Variants in EDIL3 observed in about 807,000 individuals in gnomAD.
EDIL3 encodes the protein EGF like and discoidin domains 3.
A neutral mutation model predicts 67.4 loss-of-function variants in EDIL3; 37 were observed. The observed-to-expected ratio is 0.55, with a 90% CI of 0.42 to 0.72. The LOEUF is 0.72. EDIL3 is among the 30% of genes least tolerant of loss of function. EDIL3 has a pLI of 0.00. For missense variants in EDIL3, 527 were observed against 586.3 expected, an observed-to-expected ratio of 0.90 and a Z score of 1.04; for synonymous variants, 195 against 196.3, an observed-to-expected ratio of 0.99 and a Z score of 0.05.
chr5:84,296,001 C>T (rs971141499), intron 1 of EDIL3, among the ~76,000 whole-genome samples: 3 of 152,130 alleles, frequency 2.0e-5, no homozygotes, highest in African/African-American at 7.2e-5. Context: ...CCTTTTCTAG[C>T]TTTGATTTCT....
At chr5:83,973,496 G>A (rs529104736) in intron 9 of EDIL3, among the ~76,000 whole-genome samples, 1 of 152,192 alleles carries the variant, frequency 6.6e-6, no homozygotes, top group South Asian at 2.1e-4. Flanking sequence ...CAGTGTGAAC[G>A]TTGTATAGGT....
chr5:84,154,547 A>G (rs2112333103), intron 4 of EDIL3, among the ~76,000 whole-genome samples: 1 of 151,802 alleles, frequency 6.6e-6, no homozygotes, highest in South Asian at 2.1e-4. Flanking sequence ...TTAATGCTTC[A>G]TATTTATAGT....
intron 2 of EDIL3, among the ~76,000 whole-genome samples, chr5:84,250,533 G>A (rs1745003090): frequency 6.6e-6 from 1 of 152,162 alleles, no homozygotes; most frequent in African/African-American, 2.4e-5. Flanking sequence ...CTTTGTGAGG[G>A]AAGAATAAAA....
chr5:84,367,297 G>T (rs1201597158), intron 1 of EDIL3, among the ~76,000 whole-genome samples: 2 of 151,738 alleles, frequency 1.3e-5, no homozygotes, highest in Non-Finnish European at 2.9e-5. Context: ...TTGAGACAGG[G>T]TCTTGCTCTG....
chr5:84,105,451 G>GTTC lies in EDIL3; in HGVS notation c.651+1197_651+1198insGAA. Among the ~76,000 whole-genome samples, 3 of 152,150 alleles carry GTTC rather than the reference G, an allele frequency of 2.0e-5. No individual in the cohort carries two copies. The South Asian group carries it at 6.2e-4, about 31-fold the overall frequency. Reference sequence around the variant, plus strand: ...ATTTTGGCCCAGTTTTTCAAGTATGGAAGTCTTGCCTCTTAGCCATAAATC... The same window carrying GTTC: ...ATTTTGGCCCAGTTTTTCAAGTATGGTTCAAGTCTTGCCTCTTAGCCATAAATC... On this transcript the variant is annotated intron_variant, in intron 6 of 10. Coordinates refer to ENST00000296591, the MANE Select transcript of EDIL3 (RefSeq NM_005711.5).
intron 1 of EDIL3, among the ~76,000 whole-genome samples, chr5:84,340,526 CTCTCTCTCTATA>C (rs1337251241): frequency 3.6e-3 from 261 of 72,332 alleles, no homozygotes; most frequent in African/African-American, 9.4e-3. Flanking sequence ...CTCTCTCTCT[CTCTCTCTCTATA>C]TATATATATA....
intron 5 of EDIL3, among the ~76,000 whole-genome samples, chr5:84,123,420 A>G (rs1011203324): frequency 6.6e-6 from 1 of 151,986 alleles, no homozygotes; most frequent in Non-Finnish European, 1.5e-5. Context: ...TACCAATTAA[A>G]CATTCATATA....
chr5:84,148,401 A>C (rs1748325471), intron 4 of EDIL3, among the ~76,000 whole-genome samples: 1 of 152,190 alleles, frequency 6.6e-6, no homozygotes, highest in African/African-American at 2.4e-5. Flanking sequence ...GGAAACTTTA[A>C]TACACTGAAT....
chr5:84,248,866 T>C (rs1744964592), intron 2 of EDIL3, among the ~76,000 whole-genome samples: 1 of 152,186 alleles, frequency 6.6e-6, no homozygotes, highest in Admixed American at 6.5e-5. Flanking sequence ...GTTACCACAT[T>C]GACAGAAGCC....
At chr5:84,051,054 G>A (rs563120269) in intron 9 of EDIL3, among the ~76,000 whole-genome samples, 1 of 152,270 alleles carries the variant, frequency 6.6e-6, no homozygotes, top group South Asian at 2.1e-4. Context: ...CTATCTGGGA[G>A]GCACCCCCCA....
intron 3 of EDIL3, among the ~76,000 whole-genome samples, chr5:84,188,623 G>A (rs993734022): frequency 4.6e-5 from 7 of 151,240 alleles, no homozygotes; most frequent in African/African-American, 1.5e-4. Flanking sequence ...GACTATATTC[G>A]GAGATAGGAC....
At chr5:83,978,829 G>A (rs1744917219) in intron 9 of EDIL3, among the ~76,000 whole-genome samples, 1 of 151,976 alleles carries the variant, frequency 6.6e-6, no homozygotes, top group African/African-American at 2.4e-5. Flanking sequence ...AATCCCCATA[G>A]GCTAAATCTC....
At chr5:84,347,808 G>T (rs1018665272) in intron 1 of EDIL3, among the ~76,000 whole-genome samples, 7 of 152,188 alleles carry the variant, frequency 4.6e-5, no homozygotes, top group African/African-American at 1.7e-4. Flanking sequence ...AAAGGAGTCA[G>T]CATCCATTTA....
chr5:84,000,593 T>C (rs1580272915), intron 9 of EDIL3, among the ~76,000 whole-genome samples: 1 of 151,348 alleles, frequency 6.6e-6, no homozygotes, highest in African/African-American at 2.4e-5. Flanking sequence ...AATAAAAACA[T>C]ACCACCAACA....
intron 6 of EDIL3, among the ~76,000 whole-genome samples, chr5:84,091,163 G>A (rs2112267880): frequency 6.6e-6 from 1 of 152,158 alleles, no homozygotes; most frequent in Non-Finnish European, 1.5e-5. Context: ...AGCTGCCTGG[G>A]TTTGACTCCC....
intron 6 of EDIL3, among the ~76,000 whole-genome samples, chr5:84,075,885 T>TGCAC (rs1266841242): frequency 5.5e-5 from 4 of 72,870 alleles, no homozygotes; most frequent in African/African-American, 2.3e-4. Context: ...TGCAAAAGTG[T>TGCAC]GCACGCACAC....
rs370763993 is a variant in EDIL3 at position 83,995,157 on chromosome 5, TACACACACAC to T, written c.1138-31807_1138-31798del. Among the ~76,000 whole-genome samples the T allele has an allele frequency of 6.0e-5, 9 of 149,162 alleles. No individual in the cohort carries two copies. The South Asian group carries it at 1.3e-3, about 21-fold the overall frequency. ...AGCAGTATACACACGCACACACACATACACACACACACACACACACACACATTTTATTCTA... is the reference window on the plus strand; with the variant it reads ...AGCAGTATACACACGCACACACACATACACACACACACACATTTTATTCTA... On this transcript the variant is annotated intron_variant, in intron 9 of 10. Coordinates refer to ENST00000296591, the MANE Select transcript of EDIL3 (RefSeq NM_005711.5).
chr5:84,130,240 C>T (rs909822020), intron 5 of EDIL3, among the ~76,000 whole-genome samples: 6 of 152,124 alleles, frequency 3.9e-5, no homozygotes, highest in Admixed American at 1.3e-4. Context: ...TTAAATAATA[C>T]ATAATTCTTT....
chr5:84,198,671 T>C (rs146194944), intron 3 of EDIL3, among the ~76,000 whole-genome samples: 78 of 152,172 alleles, frequency 5.1e-4, no homozygotes, highest in African/African-American at 1.7e-3. Context: ...GTTCTGGAAA[T>C]ACTGTGTTAA....
Sources: allele counts gnomAD v4.1 joint callset (sites outside exome capture counted in the v4.1 genomes callset), GRCh38; gene constraint gnomAD v4.1.1; transcripts MANE v1.5; gene names NCBI Gene and HGNC (gene_info 2026-07-23, HGNC 2026-07-21).